The following MCM10 variants were observed in gnomAD, a reference collection of about 807,000 sequenced individuals.
MCM10 encodes minichromosome maintenance 10 replication initiation factor.
In MCM10, 91 loss-of-function variants were observed where a neutral mutation model predicts 109.9. The observed-to-expected ratio is 0.83, with a 90% CI of 0.70 to 0.99. The LOEUF (loss-of-function observed/expected upper bound fraction) is 0.99, where lower values mean the gene tolerates loss of function less well. MCM10 is among the 50% of genes least tolerant of loss of function. The pLI is 0.00. For missense variants in MCM10, 1,077 were observed against 1,061.2 expected (o/e 1.01, Z -0.21); for synonymous variants, 380 against 387.2 (o/e 0.98, Z 0.22).
intron 17 of MCM10, 39 bp downstream of exon 17, chr10:13,201,573 G>A (rs772557548): frequency 1.6e-5 from 23 of 1,449,918 alleles, no homozygotes; most frequent in Non-Finnish European, 2.0e-5. Flanking sequence ...CATGGGCCCT[G>A]TGTGGTGCTT....
Position 13,180,594 on chromosome 10 carries a change from A to G in MCM10, c.917A>G (p.Gln306Arg). The change falls in exon 7 of 20, where the codon CAG (glutamine) becomes CGG (arginine). Residue 306 changes from glutamine to arginine, a missense_variant. Gln to Arg is a conservative substitution (Grantham distance 43, BLOSUM62 1). Transcript: ENST00000378714. ...FGVILKKVTPQSVNSGKTFSI... is the reference protein window; with the variant it reads ...FGVILKKVTPRSVNSGKTFSI... ...GTTATATTGAAGAAGGTTACGCCAC[A>G]GAGTGTGAATAGTGTAAGCCATTGT... 1 of 1,614,172 alleles carries G rather than the reference A, an allele frequency of 6.2e-7. No homozygotes were observed. Among genetic ancestry groups the G allele is most frequent in the Non-Finnish European group, 8.5e-7 (1 of 1,180,030 alleles).
intron 18 of MCM10, among the ~76,000 whole-genome samples, chr10:13,206,081 A>G (rs1034818490): frequency 2.6e-5 from 4 of 152,028 alleles, no homozygotes; most frequent in East Asian, 1.9e-4. Flanking sequence ...CCATTCTCCA[A>G]TGGTTGCTGT....
At chr10:13,170,245 G>T (rs1304914713) in intron 2 of MCM10, among the ~76,000 whole-genome samples, 1 of 152,160 alleles carries the variant, frequency 6.6e-6, no homozygotes, top group Admixed American at 6.5e-5. Context: ...ATAAGATTTG[G>T]CATGACAGAC....
chr10:13,204,052 C>T (rs563179891), intron 17 of MCM10, among the ~76,000 whole-genome samples, 167 bp from the exon 18 acceptor site: 48 of 152,284 alleles, frequency 3.2e-4, no homozygotes, highest in African/African-American at 1.1e-3. Context: ...GTCGGGCAAT[C>T]ACACGGGTCA....
chr10:13,192,340 A>C lies in MCM10; in HGVS notation c.1602A>C (p.Gln534His), dbSNP rs868850290. ...CGTGTGGAGCCAGGAACTTAAAACA[A>C]CATTTAGCCAAAGCCACAGCTTCAG... ...LPTCGARNLKQHLAKATASGI... is the reference protein window; with the variant it reads ...LPTCGARNLKHHLAKATASGI... The change falls in exon 12 of 20, where the codon CAA (glutamine) becomes CAC (histidine). Residue 534 changes from glutamine (Q) to histidine (H), a missense_variant. Transcript: ENST00000378714. The C allele has an allele frequency of 3.7e-6, 6 of 1,612,988 alleles. No homozygotes were observed. The Middle Eastern group carries it at 9.9e-4, about 266-fold the overall frequency.
chr10:13,168,536 C>T (rs559314577), intron 2 of MCM10, among the ~76,000 whole-genome samples: 1,287 of 118,598 alleles, frequency 0.011, 9 homozygotes, highest in Non-Finnish European at 0.018. Flanking sequence ...GAGAGTAGGT[C>T]AGATATCCTT....
intron 2 of MCM10, among the ~76,000 whole-genome samples, chr10:13,170,274 T>C (rs1834052554): frequency 6.6e-6 from 1 of 152,206 alleles, no homozygotes; most frequent in Non-Finnish European, 1.5e-5. Flanking sequence ...GAAGGTGTTA[T>C]TTAATGTTAA....
At chr10:13,201,279 A>C (rs1834494726) in intron 16 of MCM10, 142 bp from the exon 17 acceptor site, 1 of 629,074 alleles carries the variant, frequency 1.6e-6, no homozygotes, top group Non-Finnish European at 2.8e-6. Context: ...GCCCTCTCAC[A>C]CTTAGCCTGC....
rs1396911903 is a variant in MCM10 at position 13,182,841 on chromosome 10, G to T, written c.931-92G>T. The T allele has an allele frequency of 1.1e-6, 1 of 937,638 alleles. No individual in the cohort carries two copies. The highest frequency in any genetic ancestry group is 2.6e-5 in the Admixed American group (1 of 38,380). The allele number at this position is 937,638 out of a possible 1,614,324, so 58.1% of individuals were successfully genotyped here. ...AAAACTTGGATTTTATGGATTATAG[G>T]CATATAGTTTTCCATAGTAAAACTC... On this transcript the variant is annotated intron_variant, in intron 7 of 19. Transcript: ENST00000378714. This position sits in a 1 kb window ranked among gnomAD's most constrained non-coding sequence, Gnocchi z 4.2.
chr10:13,173,543 T>G (rs1834103177), intron 5 of MCM10, among the ~76,000 whole-genome samples: 2 of 152,176 alleles, frequency 1.3e-5, no homozygotes, highest in African/African-American at 4.8e-5. Flanking sequence ...TTTCTTTTAT[T>G]GCCGGGAGAC....
chr10:13,162,648 G>A (rs1281274812), intron 1 of MCM10, among the ~76,000 whole-genome samples: 2 of 152,124 alleles, frequency 1.3e-5, no homozygotes, highest in Non-Finnish European at 2.9e-5. Context: ...TTCATTTTGG[G>A]GGAAGGCAAG....
At chr10:13,204,998 GTATGTATA>G (rs1417576058) in intron 18 of MCM10, among the ~76,000 whole-genome samples, 539 of 18,982 alleles carry the variant, frequency 0.028, 11 homozygotes, top group Middle Eastern at 0.045. Context: ...ATGTATGTAT[GTATGTATA>G]TATATATATA....
chr10:13,163,498 C>T (rs1490790468), intron 1 of MCM10, among the ~76,000 whole-genome samples: 1 of 152,204 alleles, frequency 6.6e-6, no homozygotes, highest in African/African-American at 2.4e-5. Context: ...CAAAGTGATA[C>T]AACTTTGTCT....
chr10:13,177,218 T>G (rs951023514), intron 6 of MCM10, among the ~76,000 whole-genome samples: 7 of 152,340 alleles, frequency 4.6e-5, no homozygotes, highest in South Asian at 2.1e-4. Context: ...GAGTGGCTTT[T>G]AAATTTAAGG....
chr10:13,204,309 T>C lies in MCM10; in HGVS notation c.2443T>C (p.Cys815Arg). 2 of 1,614,230 alleles carry C rather than the reference T, an allele frequency of 1.2e-6. No homozygotes were observed. Among genetic ancestry groups the C allele is most frequent in the Non-Finnish European group, 1.7e-6 (2 of 1,180,034 alleles). The change falls in exon 18 of 20, where the codon TGT (cysteine) becomes CGT (arginine). Residue 815 changes from cysteine (C) to arginine (R), a missense_variant. Physicochemically the swap from Cys to Arg is radical, Grantham distance 180. Transcript: ENST00000378714. ...WHDGVKRFFK[C>R]PCGNRSISLD... ...TGATGGTGTGAAGAGGTTTTTCAAA[T>C]GTCCCTGTGGAAACAGAAGCATCTC...
intron 16 of MCM10, among the ~76,000 whole-genome samples, chr10:13,201,014 G>A (rs775016657): frequency 1.1e-4 from 16 of 152,042 alleles, no homozygotes; most frequent in East Asian, 5.8e-4. Flanking sequence ...GGCATGTGGC[G>A]GGCACCTGTA....
Position 13,171,191 on chromosome 10 carries a change from T to C in MCM10, c.277T>C (p.Ser93Pro), listed in dbSNP as rs773303055. 1 of 1,614,166 alleles carries C rather than the reference T, an allele frequency of 6.2e-7. No homozygotes were observed. The highest frequency in any genetic ancestry group is 2.2e-5 in the East Asian group (1 of 44,882). The change falls in exon 3 of 20, where the codon TCA (serine) becomes CCA (proline). Residue 93 changes from serine to proline, a missense_variant. Ser to Pro is a moderately conservative substitution (Grantham distance 74, BLOSUM62 -1). Transcript: ENST00000378714. ...DLTDEEEVPA[S>P]QSTENRVLPA... ...AACAGATGAAGAAGAAGTTCCCGCA[T>C]CACAGTCAACTGAAAATAGGGTCCT...
chr10:13,171,331 T>G (rs1192487138), intron 3 of MCM10, 68 bp downstream of exon 3: 17 of 1,363,932 alleles, frequency 1.2e-5, no homozygotes, highest in Non-Finnish European at 1.5e-5. Flanking sequence ...ATCTGATAGT[T>G]GTCATCAAAA....
chr10:13,191,823 GTATTATCT>G (rs1457385121), intron 11 of MCM10, among the ~76,000 whole-genome samples: 2 of 152,110 alleles, frequency 1.3e-5, no homozygotes, highest in Admixed American at 1.3e-4. Flanking sequence ...AGAATCAGCA[GTATTATCT>G]TCCTGGCCAA....
Sources: allele counts gnomAD v4.1 joint callset (sites outside exome capture counted in the v4.1 genomes callset), GRCh38; gene constraint gnomAD v4.1.1; non-coding constraint Gnocchi (gnomAD v3.1); transcripts MANE v1.5; gene names NCBI Gene and HGNC (gene_info 2026-07-23, HGNC 2026-07-21).